Variants in TNRC6A observed in about 807,000 individuals in gnomAD.
TNRC6A encodes the protein trinucleotide repeat containing adaptor 6A.
TNRC6A carries 44 observed loss-of-function variants against 221.2 expected under a neutral mutation model. The observed-to-expected ratio is 0.20, with a 90% confidence interval of 0.16 to 0.26. TNRC6A has a LOEUF of 0.26. TNRC6A is among the 10% of genes least tolerant of loss of function. The pLI, the probability that TNRC6A is intolerant of heterozygous loss-of-function variation, is 1.00. For missense variants in TNRC6A, 2,199 were observed against 2,404.4 expected (o/e 0.91, Z 1.79); for synonymous variants, 847 against 838.5 (o/e 1.01, Z -0.18).
At chr16:24,784,330 A>G (rs756600966) in intron 5 of TNRC6A, among the ~76,000 whole-genome samples, 7 of 151,176 alleles carry the variant, frequency 4.6e-5, no homozygotes, top group African/African-American at 7.3e-5. Flanking sequence ...TTATTTGTTT[A>G]TTTATTCATT....
intron 2 of TNRC6A, among the ~76,000 whole-genome samples, chr16:24,718,153 T>C (rs1336000393): frequency 1.3e-5 from 2 of 152,144 alleles, no homozygotes; most frequent in Non-Finnish European, 2.9e-5. Flanking sequence ...TACTGGAGAA[T>C]ACAACACTGA....
At position 24,824,131 on chromosome 16, in the gene TNRC6A, C is replaced by CCCCT; in HGVS notation, c.*327_*328insTCCC. The stretch of plus-strand genomic sequence containing the variant: ...TTTCCTTCTATTCCTCCCCAACCCC[C>CCCCT]CCCCCCGCCCCTTTTTTTCTCTCTT... On this transcript the variant is annotated 3_prime_UTR_variant, in exon 25 of 25. Transcript: ENST00000395799. The CCCCT allele has an allele frequency of 7.9e-6, 1 of 127,000 alleles. No homozygotes were observed. The highest frequency in any genetic ancestry group is 4.2e-5 in the African/African-American group (1 of 23,694). The allele number at this position is 127,000 out of a possible 1,614,324, so 7.9% of individuals were successfully genotyped here. A position where few individuals can be genotyped will look rare whatever the true frequency, so the allele number is the denominator to read the frequency against.
At chr16:24,666,847 G>A (rs572409442) in intron 2 of TNRC6A, among the ~76,000 whole-genome samples, 7 of 151,460 alleles carry the variant, frequency 4.6e-5, no homozygotes, top group Non-Finnish European at 1.0e-4. Flanking sequence ...TGGGCATGGT[G>A]GCTCACACCT....
At chr16:24,621,106 A>G (rs1900650297) in intron 1 of TNRC6A, among the ~76,000 whole-genome samples, 1 of 148,376 alleles carries the variant, frequency 6.7e-6, no homozygotes, top group African/African-American at 2.5e-5. Flanking sequence ...AAAAAAAAAA[A>G]GTGAAACTCC....
intron 4 of TNRC6A, among the ~76,000 whole-genome samples, chr16:24,773,864 T>A (rs2057664741): frequency 6.7e-6 from 1 of 150,172 alleles, no homozygotes; most frequent in Non-Finnish European, 1.5e-5. Context: ...CCTCTCTACT[T>A]TTTTTTTTAA....
chr16:24,812,246 T>C (rs1173129867), intron 18 of TNRC6A, among the ~76,000 whole-genome samples: 1 of 151,836 alleles, frequency 6.6e-6, no homozygotes, highest in African/African-American at 2.4e-5. Flanking sequence ...GAGACAGGGT[T>C]TCACCATGTT....
intron 2 of TNRC6A, among the ~76,000 whole-genome samples, chr16:24,709,213 T>C (rs1287941420): frequency 6.6e-6 from 1 of 151,510 alleles, no homozygotes; most frequent in Admixed American, 6.6e-5. Flanking sequence ...ACCGAGATCA[T>C]ACCATTGCAC....
intron 1 of TNRC6A, among the ~76,000 whole-genome samples, chr16:24,629,209 A>G (rs951488853): frequency 6.6e-6 from 1 of 152,174 alleles, no homozygotes; most frequent in South Asian, 2.1e-4. Context: ...AATATTTAAC[A>G]TCACTTAAAA....
chr16:24,715,974 C>T (rs1005351704), intron 2 of TNRC6A, among the ~76,000 whole-genome samples: 3 of 151,996 alleles, frequency 2.0e-5, no homozygotes, highest in Non-Finnish European at 4.4e-5. Context: ...TAGCTAAAGA[C>T]CCAAGCATGA....
chr16:24,778,563 T>C, intron 5 of TNRC6A: 1 of 906,052 alleles, frequency 1.1e-6, no homozygotes, highest in Non-Finnish European at 1.3e-6. Flanking sequence ...TCCCAGCACC[T>C]TATTACCTGT....
intron 2 of TNRC6A, among the ~76,000 whole-genome samples, chr16:24,673,631 G>A (rs2055349708): frequency 6.6e-6 from 1 of 152,134 alleles, no homozygotes; most frequent in Admixed American, 6.6e-5. Context: ...TGCAATCACG[G>A]CTCACTGCAG....
chr16:24,661,769 A>G (rs1053925570), intron 2 of TNRC6A: 4 of 152,232 alleles, frequency 2.6e-5, no homozygotes, highest in Non-Finnish European at 5.9e-5. Context: ...ACACTTTACC[A>G]TACTCTTATT....
At chr16:24,758,437 A>G in intron 4 of TNRC6A, 77 bp downstream of exon 4, 1 of 1,429,194 alleles carries the variant, frequency 7.0e-7, no homozygotes, top group Non-Finnish European at 9.8e-7. Context: ...GTTCACCTCA[A>G]GGATGGGAGA....
intron 2 of TNRC6A, among the ~76,000 whole-genome samples, chr16:24,673,348 T>C (rs1438464139): frequency 2.6e-5 from 4 of 152,150 alleles, no homozygotes; most frequent in African/African-American, 9.7e-5. Flanking sequence ...TGAACTCAAA[T>C]CTGGTCCACT....
At chr16:24,750,884 TTTTGAAGGCATTTA>T (rs2057122426) in intron 3 of TNRC6A, 71 bp downstream of exon 3, 1 of 1,283,388 alleles carries the variant, frequency 7.8e-7, no homozygotes, top group African/African-American at 1.5e-5. Flanking sequence ...CTCTTACAGA[TTTTGAAGGCATTTA>T]TTTGATTTAA....
intron 2 of TNRC6A, among the ~76,000 whole-genome samples, chr16:24,713,337 G>A (rs930090130): frequency 2.6e-5 from 4 of 152,036 alleles, no homozygotes; most frequent in Non-Finnish European, 5.9e-5. Context: ...AGAATTGCCT[G>A]AACCTGGGAG....
At chr16:24,666,961 CA>C (rs2055185448) in intron 2 of TNRC6A, among the ~76,000 whole-genome samples, 3 of 150,800 alleles carry the variant, frequency 2.0e-5, no homozygotes, top group Admixed American at 2.0e-4. Flanking sequence ...ACTAAAAATA[CA>C]AAAATTAGCA....
At chr16:24,783,776 A>C (rs549658047) in intron 5 of TNRC6A, among the ~76,000 whole-genome samples, 1 of 152,282 alleles carries the variant, frequency 6.6e-6, no homozygotes, top group South Asian at 2.1e-4. Flanking sequence ...TGGAAAGCTG[A>C]GTGATAATAC....
At chr16:24,814,409 CTTTTTTTT>C (rs1174753134) in intron 18 of TNRC6A, among the ~76,000 whole-genome samples, 3 of 116,766 alleles carry the variant, frequency 2.6e-5, no homozygotes, top group African/African-American at 7.3e-5. Context: ...TTTTTTTTTT[CTTTTTTTT>C]TTTTTTTTTG....
Sources: gnomAD v4.1 joint callset for allele counts (sites outside exome capture counted in the v4.1 genomes callset) on GRCh38, gnomAD v4.1.1 for gene constraint, MANE v1.5 for transcripts, NCBI Gene and HGNC (gene_info 2026-07-23, HGNC 2026-07-21) for gene names.